The following TERF2 variants were observed in gnomAD, a reference collection of about 807,000 sequenced individuals.
TERF2 encodes the protein telomeric repeat binding factor 2.
Under a neutral mutation model 56.1 loss-of-function variants are expected in TERF2, and 16 were observed. The observed-to-expected ratio is 0.29, with a 90% CI of 0.19 to 0.43. The LOEUF is 0.43. Ranked by LOEUF, TERF2 falls within the 20% of genes least tolerant of loss-of-function variation. The pLI is 1.00. For missense variants in TERF2, 547 were observed against 712.9 expected, an observed-to-expected ratio of 0.77 and a Z score of 2.65; for synonymous variants, 296 against 282.1, an observed-to-expected ratio of 1.05 and a Z score of -0.50.
chr16:69,357,322 G>A (rs1005445044), intron 9 of TERF2, among the ~76,000 whole-genome samples, 196 bp downstream of exon 9: 8 of 152,088 alleles, frequency 5.3e-5, no homozygotes, highest in Non-Finnish European at 1.2e-4. Context: ...TTCATGTTCC[G>A]GAAAATGTGT....
chr16:69,382,522 T>C (rs1375298698), intron 3 of TERF2, among the ~76,000 whole-genome samples: 1 of 152,182 alleles, frequency 6.6e-6, no homozygotes, highest in Non-Finnish European at 1.5e-5. Flanking sequence ...GTGAGTCTAG[T>C]CTGTATGACC....
chr16:69,377,997 A>G (rs931159360), intron 3 of TERF2, among the ~76,000 whole-genome samples: 2 of 152,140 alleles, frequency 1.3e-5, no homozygotes, highest in Non-Finnish European at 2.9e-5. Flanking sequence ...ACAAGTGGTG[A>G]GCATTCCAAT....
At chr16:69,371,800 G>C (rs537155911) in intron 4 of TERF2, among the ~76,000 whole-genome samples, 1 of 152,088 alleles carries the variant, frequency 6.6e-6, no homozygotes, top group South Asian at 2.1e-4. Context: ...GAGCAACAAA[G>C]CGAGACTCTG....
In TERF2 at chr16:69,385,847, G is replaced by C. The variant is rs1407822167; in HGVS notation, c.125C>G (p.Thr42Arg). 1 of 1,364,394 alleles carries C rather than the reference G, an allele frequency of 7.3e-7. No homozygotes were observed. Among genetic ancestry groups the C allele is most frequent in the Non-Finnish European group, 9.5e-7 (1 of 1,056,216 alleles). The allele number at this position is 1,364,394 out of a possible 1,614,324, so 84.5% of individuals were successfully genotyped here. The change falls in exon 1 of 10, where the codon ACG becomes AGG. Residue 42 changes from threonine (T) to arginine (R), a missense_variant. Physicochemically the swap from Thr to Arg is moderately conservative, Grantham distance 71. Around this residue, in one of 6 missense-constraint regions of TERF2, gnomAD observed 120 missense variants for 172.4 expected, o/e 0.70. Transcript: ENST00000254942. ...EGGEGARRSD[T>R]MAGGGGSSDG... ...GCTACTCCCGCCTCCTCCCGCCATC[G>C]TGTCCGATCGCCGCGCGCCCTCCCC...
chr16:69,381,298 A>C lies in TERF2; in HGVS notation c.606+3282T>G, dbSNP rs11858996. 2.1e-3 allele frequency among the ~76,000 whole-genome samples: 327 copies of C among 152,304 alleles called. 2 individuals are homozygous for C. The highest frequency in any genetic ancestry group is 7.7e-3 in the African/African-American group (321 of 41,562). On this transcript the variant is annotated intron_variant, in intron 3 of 9. Coordinates refer to ENST00000254942, the MANE Select transcript of TERF2 (RefSeq NM_005652.5). ...AGGTTTGCTTTACTCATTCTCAAGAAAATGACTGCCAAATACCCAAGTGTG... is the reference window on the plus strand; with the variant it reads ...AGGTTTGCTTTACTCATTCTCAAGACAATGACTGCCAAATACCCAAGTGTG...
At chr16:69,368,578 T>A in intron 5 of TERF2, 96 bp from the exon 6 acceptor site, 1 of 1,563,516 alleles carries the variant, frequency 6.4e-7, no homozygotes, top group Non-Finnish European at 8.7e-7. Context: ...TGCAAACAAG[T>A]TCACTTACAA....
rs2012879514 is a variant in TERF2, at chr16:69,355,901, CAG to C, written c.*995_*996del. On this transcript the variant is annotated 3_prime_UTR_variant, in exon 10 of 10. Transcript: ENST00000254942. ...GGGAATTGGGAAAAGAGGCAGGGGA[CAG>C]GGGGCAGGGGATCAGGGAACTAATC... 6.2e-6 allele frequency: 1 copy of C among 160,754 alleles called. No homozygotes were observed. Among genetic ancestry groups the C allele is most frequent in the Non-Finnish European group, 1.4e-5 (1 of 72,962 alleles). 10.0% of individuals were successfully genotyped at this position (160,754 alleles called of 1,614,324 possible). A position where few individuals can be genotyped will look rare whatever the true frequency, so the allele number is the denominator to read the frequency against.
intron 3 of TERF2, among the ~76,000 whole-genome samples, chr16:69,380,354 T>C (rs2013949473): frequency 6.6e-6 from 1 of 152,276 alleles, no homozygotes; most frequent in South Asian, 2.1e-4. Context: ...CTTTTCTTAA[T>C]CTGTCACATT....
chr16:69,383,234 G>T (rs2014069729), intron 3 of TERF2, among the ~76,000 whole-genome samples: 1 of 152,120 alleles, frequency 6.6e-6, no homozygotes, highest in Admixed American at 6.5e-5. Context: ...TCCTTTGAGT[G>T]CCATGTTGGC....
chr16:69,376,238 CT>C (rs1439844930), intron 3 of TERF2, among the ~76,000 whole-genome samples: 1 of 152,092 alleles, frequency 6.6e-6, no homozygotes, highest in Non-Finnish European at 1.5e-5. Context: ...AAGATGTGAG[CT>C]TATGGTCAAA....
intron 7 of TERF2, among the ~76,000 whole-genome samples, chr16:69,364,401 C>G (rs1273502825): frequency 1.3e-5 from 2 of 152,298 alleles, no homozygotes; most frequent in African/African-American, 4.8e-5. Flanking sequence ...AGGGCATTCT[C>G]CTGACTCTTC....
intron 3 of TERF2, among the ~76,000 whole-genome samples, chr16:69,378,804 G>C (rs1424024907): frequency 1.3e-5 from 2 of 152,166 alleles, no homozygotes; most frequent in Non-Finnish European, 2.9e-5. Flanking sequence ...TTTACTCTAT[G>C]TTCTCCAGAA....
rs564611021 is a variant in TERF2, at chr16:69,359,627, A to ATTTTTTT, written c.1426+1770_1426+1776dup. On this transcript the variant is annotated intron_variant, in intron 8 of 9. Coordinates refer to ENST00000254942, the MANE Select transcript of TERF2 (RefSeq NM_005652.5). ...AATCTTCCTCTTACTATCATTCCCA[A>ATTTTTTT]TTTTTTTTTTTTTTTTTTTTTTTTT... Among the ~76,000 whole-genome samples the ATTTTTTT allele has an allele frequency of 1.2e-4, 9 of 72,588 alleles. 2 individuals carry two copies. The highest frequency in any genetic ancestry group is 1.9e-4 in the African/African-American group (3 of 16,134). The allele number at this position is 72,588 out of a possible 152,430, so 47.6% of individuals were successfully genotyped here.
Position 69,373,578 on chromosome 16 carries a change from T to A in TERF2, c.607-1223A>T, listed in dbSNP as rs142465433. Among the ~76,000 whole-genome samples, 536 of 152,270 alleles carry A rather than the reference T, an allele frequency of 3.5e-3. 3 individuals are homozygous for A. The highest frequency in any genetic ancestry group is 0.012 in the South Asian group (59 of 4,832). On this transcript the variant is annotated intron_variant, in intron 3 of 9. Transcript: ENST00000254942. ...GGCAGCTTACAACTGTACAACTGTA[T>A]TCCCACACTTTGAGAGGCCAAGGTG...
Position 69,385,806 on chromosome 16 carries a change from C to A in TERF2, c.166G>T (p.Ala56Ser). 1.5e-6 allele frequency: 2 copies of A among 1,303,604 alleles called. No homozygotes were observed. The highest frequency in any genetic ancestry group is 6.7e-5 in the Admixed American group (2 of 29,790). 80.8% of individuals were successfully genotyped at this position (1,303,604 alleles called of 1,614,324 possible). The change falls in exon 1 of 10, where the codon GCA becomes TCA. Residue 56 changes from alanine (A) to serine (S), a missense_variant. Transcript: ENST00000254942. ...CTGCGGGACGCCCGCCTGCCAGCTGCCCGCCCGCTGCCGTCGCTACTCCCG... is the reference window on the plus strand; with the variant it reads ...CTGCGGGACGCCCGCCTGCCAGCTGACCGCCCGCTGCCGTCGCTACTCCCG... ...GGGSSDGSGR[A>S]AGRRASRSSG... is the part of the protein sequence containing the mutation.
intron 3 of TERF2, among the ~76,000 whole-genome samples, chr16:69,382,965 CAG>C (rs541861855): frequency 6.6e-6 from 1 of 152,066 alleles, no homozygotes; most frequent in Non-Finnish European, 1.5e-5. Context: ...AAAAGGAGAA[CAG>C]AGTCAACGTA....
At chr16:69,358,130 A>T (rs1174329587) in intron 8 of TERF2, among the ~76,000 whole-genome samples, 14 of 151,970 alleles carry the variant, frequency 9.2e-5, no homozygotes, top group Admixed American at 9.2e-4. Context: ...CTCCTGCCTC[A>T]GCCTCCCGAG....
rs2013137580 is a variant in TERF2, at chr16:69,361,495, G to A, written c.1341-6C>T. 6.2e-7 allele frequency: 1 copy of A among 1,601,352 alleles called. No homozygotes were observed. Among genetic ancestry groups the A allele is most frequent in the South Asian group, 1.1e-5 (1 of 90,794 alleles). Reference sequence around the variant, plus strand: ...TCCACTTGCCTTTGGGTACTCTGAGGGGAGATCAAGGAGAGCACAGGTATA... The same window carrying A: ...TCCACTTGCCTTTGGGTACTCTGAGAGGAGATCAAGGAGAGCACAGGTATA... On this transcript the variant is annotated splice_polypyrimidine_tract_variant and splice_region_variant and intron_variant, in intron 7 of 9. Coordinates refer to ENST00000254942, the MANE Select transcript of TERF2 (RefSeq NM_005652.5).
At chr16:69,369,677 T>C (rs2013490725) in intron 5 of TERF2, among the ~76,000 whole-genome samples, 1 of 152,222 alleles carries the variant, frequency 6.6e-6, no homozygotes, top group Non-Finnish European at 1.5e-5. Context: ...TATGACAGCC[T>C]GGGTCTAGTT....
Sources: allele counts gnomAD v4.1 joint callset (sites outside exome capture counted in the v4.1 genomes callset), GRCh38; gene constraint gnomAD v4.1.1; regional missense constraint gnomAD v4.1.1; transcripts MANE v1.5; gene names NCBI Gene and HGNC (gene_info 2026-07-23, HGNC 2026-07-21).